Variants in ULK4 observed in about 807,000 individuals in gnomAD.
ULK4 encodes inactive serine/threonine-protein kinase ULK4.
A neutral mutation model predicts 160.6 loss-of-function variants in ULK4; 133 were observed. The observed-to-expected ratio is 0.83, with a 90% CI of 0.72 to 0.96. ULK4 has a LOEUF of 0.96. Among genes scored for constraint, ULK4 ranks in the 40% least tolerant of loss-of-function variants. The pLI, the probability that ULK4 is intolerant of heterozygous loss-of-function variation, is 0.00. For synonymous variants in ULK4, 534 were observed against 539.8 expected (o/e 0.99, Z 0.15); for missense variants, 1,580 against 1,499.5 (o/e 1.05, Z -0.89).
At chr3:41,652,571 G>C (rs1215367872) in intron 30 of ULK4, among the ~76,000 whole-genome samples, 1 of 152,186 alleles carries the variant, frequency 6.6e-6, no homozygotes, top group Non-Finnish European at 1.5e-5. Flanking sequence ...GGAGAAAGAA[G>C]AGGCTGAACT....
chr3:41,569,991 C>T (rs1020521506), intron 31 of ULK4, among the ~76,000 whole-genome samples: 1 of 152,138 alleles, frequency 6.6e-6, no homozygotes, highest in Non-Finnish European at 1.5e-5. Context: ...CTCCTCTGCC[C>T]CATGACCTTC....
chr3:41,865,985 A>G (rs1222896584), intron 17 of ULK4, among the ~76,000 whole-genome samples: 1 of 152,232 alleles, frequency 6.6e-6, no homozygotes, highest in African/African-American at 2.4e-5. Context: ...AAGACAAGCC[A>G]CAGAGAAAAT....
At position 41,945,063 on chromosome 3, in the gene ULK4, G is replaced by A. The variant is rs574778488; in HGVS notation, c.139-6866C>T. ...AAACAGAATCTAGGCTCAATTTCTGGAAAGAATTCCCAAAACCACACCATA... is the reference window on the plus strand; with the variant it reads ...AAACAGAATCTAGGCTCAATTTCTGAAAAGAATTCCCAAAACCACACCATA... On this transcript the variant is annotated intron_variant, in intron 2 of 36. Coordinates refer to ENST00000301831, the MANE Select transcript of ULK4 (RefSeq NM_017886.4). Among the ~76,000 whole-genome samples, 3 of 152,254 alleles carry A rather than the reference G, an allele frequency of 2.0e-5. No individual in the cohort carries two copies. The South Asian group carries it at 6.2e-4, about 32-fold the overall frequency.
chr3:41,462,022 T>A (rs1477326898), intron 33 of ULK4, among the ~76,000 whole-genome samples: 1 of 152,220 alleles, frequency 6.6e-6, no homozygotes, highest in Non-Finnish European at 1.5e-5. Context: ...TAAAAGCAGC[T>A]AGGTAATTCA....
At chr3:41,858,457 A>G (rs1378983796) in intron 17 of ULK4, among the ~76,000 whole-genome samples, 2 of 150,776 alleles carry the variant, frequency 1.3e-5, no homozygotes, top group African/African-American at 4.9e-5. Flanking sequence ...CAGCCTCCCA[A>G]AGGTTTTGAT....
chr3:41,919,971 T>C (rs1292955442), intron 5 of ULK4, among the ~76,000 whole-genome samples, 153 bp from the exon 6 acceptor site: 1 of 152,158 alleles, frequency 6.6e-6, no homozygotes, highest in Non-Finnish European at 1.5e-5. Context: ...TTAAATGTTT[T>C]CTAATTTTAA....
Position 41,471,899 on chromosome 3 carries a change from GAA to G in ULK4, c.3227-8648_3227-8647del, listed in dbSNP as rs533326544. On this transcript the variant is annotated intron_variant, in intron 32 of 36. Transcript: ENST00000301831. ...TTACAATAAGTACCTACATCAAAAA[GAA>G]AGGTCTCAAATAAACAACTTAATGT... Among the ~76,000 whole-genome samples, 91 of 142,658 alleles carry G rather than the reference GAA, an allele frequency of 6.4e-4. 1 individual carries two copies. The South Asian group carries it at 0.018, about 27-fold the overall frequency. 93.6% of individuals were successfully genotyped at this position (142,658 alleles called of 152,430 possible).
In ULK4 at chr3:41,825,954, G is replaced by T. The variant is rs3005543; in HGVS notation, c.1765-6448C>A. On this transcript the variant is annotated intron_variant, in intron 18 of 36. Transcript: ENST00000301831. ...AAGGGAAGCCCATCAGACTAACAGC[G>T]GATCTCTTCGCAAAAACTCTACAAG... Among the ~76,000 whole-genome samples the T allele has an allele frequency of 3.9e-5, 6 of 152,108 alleles. No homozygotes were observed. The South Asian group carries it at 8.3e-4, about 21-fold the overall frequency.
At chr3:41,378,278 G>A (rs376104636) in intron 35 of ULK4, among the ~76,000 whole-genome samples, 7,296 of 150,106 alleles carry the variant, frequency 0.049, 456 homozygotes, top group East Asian at 0.19. Flanking sequence ...AATGCTAGAT[G>A]ACGAGTTAGT....
chr3:41,510,863 C>T (rs760118135), intron 32 of ULK4, among the ~76,000 whole-genome samples: 5 of 152,048 alleles, frequency 3.3e-5, no homozygotes, highest in Non-Finnish European at 7.4e-5. Flanking sequence ...CATTAAATGC[C>T]TACATCAAAA....
At chr3:41,303,195 G>T (rs1288408390) in intron 35 of ULK4, among the ~76,000 whole-genome samples, 1 of 152,046 alleles carries the variant, frequency 6.6e-6, no homozygotes, top group Admixed American at 6.5e-5. Flanking sequence ...TCAGAGTTTG[G>T]ACAAAAAGGT....
At chr3:41,632,403 G>A (rs1367064386) in intron 30 of ULK4, among the ~76,000 whole-genome samples, 1 of 152,166 alleles carries the variant, frequency 6.6e-6, no homozygotes. Flanking sequence ...TGGAATACAA[G>A]AGATTTTTTG....
At chr3:41,717,039 G>A (rs1559504862) in intron 23 of ULK4, among the ~76,000 whole-genome samples, 1 of 152,132 alleles carries the variant, frequency 6.6e-6, no homozygotes, top group Non-Finnish European at 1.5e-5. Flanking sequence ...AACAAAGGCT[G>A]AGAAGGGTGA....
intron 21 of ULK4, among the ~76,000 whole-genome samples, chr3:41,784,442 G>T (rs1473330001): frequency 6.6e-6 from 1 of 151,956 alleles, no homozygotes; most frequent in African/African-American, 2.4e-5. Flanking sequence ...CAAAAAAAAA[G>T]TTTCCTATTA....
chr3:41,954,341 C>A (rs1424520533), intron 2 of ULK4, among the ~76,000 whole-genome samples: 2 of 129,740 alleles, frequency 1.5e-5, no homozygotes, highest in Non-Finnish European at 3.3e-5. Flanking sequence ...CAGAGAGAGA[C>A]CCTGTTTCTA....
At chr3:41,417,678 C>G (rs1372706192) in intron 34 of ULK4, among the ~76,000 whole-genome samples, 1 of 152,134 alleles carries the variant, frequency 6.6e-6, no homozygotes, top group Admixed American at 6.5e-5. Context: ...AGAGAAAAGG[C>G]AGGTAAGCAC....
At chr3:41,562,490 G>A (rs1337534232) in intron 32 of ULK4, among the ~76,000 whole-genome samples, 1 of 152,150 alleles carries the variant, frequency 6.6e-6, no homozygotes, top group Non-Finnish European at 1.5e-5. Context: ...TATTGTGTGG[G>A]AGTCTAAGTC....
rs148795521 is a variant in ULK4 at position 41,718,283 on chromosome 3, C to G, written c.2322-422G>C. 1.3e-4 allele frequency among the ~76,000 whole-genome samples: 20 copies of G among 152,232 alleles called. No individual in the cohort carries two copies. In the East Asian group the frequency reaches 3.9e-3, roughly 29 times the overall value. Reference sequence around the variant, plus strand: ...TTCACATGAATTTCAATTGTCTCATCCAAAGAAAATGTTTCATTTTAACAC... The same window carrying G: ...TTCACATGAATTTCAATTGTCTCATGCAAAGAAAATGTTTCATTTTAACAC... On this transcript the variant is annotated intron_variant, in intron 22 of 36. Coordinates refer to ENST00000301831, the MANE Select transcript of ULK4 (RefSeq NM_017886.4).
intron 34 of ULK4, among the ~76,000 whole-genome samples, chr3:41,442,225 G>C (rs1281849407): frequency 6.6e-6 from 1 of 152,160 alleles, no homozygotes; most frequent in African/African-American, 2.4e-5. Context: ...ACAGGACAGA[G>C]GAGGTAGAAA....
Sources: allele counts gnomAD v4.1 joint callset (sites outside exome capture counted in the v4.1 genomes callset), GRCh38; gene constraint gnomAD v4.1.1; transcripts MANE v1.5; gene names NCBI Gene and HGNC (gene_info 2026-07-23, HGNC 2026-07-21).